Variants in ATP1A2 observed in about 807,000 individuals in gnomAD.
ATP1A2 encodes sodium/potassium-transporting ATPase subunit alpha-2.
A neutral mutation model predicts 113.1 loss-of-function variants in ATP1A2; 56 were observed. The observed-to-expected ratio is 0.49, with a 90% CI of 0.40 to 0.62. The LOEUF (loss-of-function observed/expected upper bound fraction) is 0.62, where lower values mean the gene tolerates loss of function less well. Ranked by LOEUF, ATP1A2 falls within the 20% of genes least tolerant of loss-of-function variation. The pLI is 0.00. For synonymous variants in ATP1A2, 490 were observed against 526.8 expected (o/e 0.93, Z 0.96); for missense variants, 712 against 1,357.8 (o/e 0.52, Z 7.47).
chr1:160,123,066 C>A, intron 3 of ATP1A2, 147 bp from the exon 4 acceptor site: 1 of 870,652 alleles, frequency 1.1e-6, no homozygotes, highest in Admixed American at 2.1e-5. Flanking sequence ...TCCATGTGGT[C>A]TCTCCTGATG....
In ATP1A2 at chr1:160,125,139, G is replaced by A. The variant is rs756197410; in HGVS notation, c.634G>A (p.Asp212Asn). The change falls in exon 7 of 23, where the codon GAT becomes AAT. Residue 212 changes from aspartate to asparagine, a missense_variant. This residue lies in a region of ATP1A2 where 99 missense variants were observed against 180.4 expected (regional missense o/e 0.55). Transcript: ENST00000361216. ...CTATGCACTCCTTCCTCCTCAGGTG[G>A]ATAACTCATCCTTAACAGGAGAGTC... is the stretch of plus-strand genomic sequence containing the variant. ...RIISSHGCKV[D>N]NSSLTGESEP... 6.2e-7 allele frequency: 1 copy of A among 1,614,050 alleles called. No homozygotes were observed. Among genetic ancestry groups the A allele is most frequent in the Non-Finnish European group, 8.5e-7 (1 of 1,179,962 alleles).
Position 160,130,362 on chromosome 1 carries a change from T to C in ATP1A2, c.1652-60T>C, listed in dbSNP as rs1473296521. 3.7e-6 allele frequency: 6 copies of C among 1,613,952 alleles called. 1 individual carries two copies. The African/African-American group carries it at 4.0e-5, about 11-fold the overall frequency. ...CTGCGGCATCCCTGGGGTGGGGGAC[T>C]GTGGGGGCGTCCAGGAAGCCACTCT... On this transcript the variant is annotated intron_variant, in intron 12 of 22. Transcript: ENST00000361216.
rs150784486 is a variant in ATP1A2, at chr1:160,134,586, C to T, written c.1930C>T (p.Arg644Trp). Residue 644 changes from arginine (R) to tryptophan (W), a missense_variant, in exon 14 of 23, where the codon CGG becomes TGG. Transcript: ENST00000361216. The stretch of plus-strand genomic sequence containing the variant: ...CGAGACTGTGGAGGACATTGCAGCC[C>T]GGCTCAACATTCCCATGAGTCAAGT... The part of the protein sequence containing the change: ...GNETVEDIAA[R>W]LNIPMSQVNP... 27 of 1,614,066 alleles carry T rather than the reference C, an allele frequency of 1.7e-5. No individual in the cohort carries two copies. Among genetic ancestry groups the T allele is most frequent in the African/African-American group, 5.3e-5 (4 of 74,896 alleles).
At chr1:160,125,028 G>C (rs1651539958) in intron 6 of ATP1A2, 108 bp from the exon 7 acceptor site, 1 of 877,440 alleles carries the variant, frequency 1.1e-6, no homozygotes, top group Non-Finnish European at 1.9e-6. Flanking sequence ...GTGTGACTTT[G>C]TTCCTCGTGT....
intron 13 of ATP1A2, among the ~76,000 whole-genome samples, chr1:160,132,091 G>T (rs1225949537): frequency 6.6e-6 from 1 of 152,190 alleles, no homozygotes; most frequent in African/African-American, 2.4e-5. Flanking sequence ...TTGACAAAAG[G>T]AATGATATTT....
rs184692211 is a variant in ATP1A2 at position 160,124,134 on chromosome 1, G to A, written c.495+78G>A. 2,211 of 1,585,102 alleles carry A rather than the reference G, an allele frequency of 1.4e-3. 31 individuals carry two copies. The Admixed American group carries it at 0.024, about 17-fold the overall frequency. On this transcript the variant is annotated intron_variant, in intron 5 of 22. Transcript: ENST00000361216. ...CCAGCTCATCTTTTGTCAGCTCCCAGGCTCTAAGATAGAGATGGACAGAAA... is the reference window on the plus strand; with the variant it reads ...CCAGCTCATCTTTTGTCAGCTCCCAAGCTCTAAGATAGAGATGGACAGAAA...
Position 160,115,842 on chromosome 1 carries a change from C to A in ATP1A2, c.-20C>A. The A allele has an allele frequency of 6.3e-7, 1 of 1,594,464 alleles. No homozygotes were observed. Among genetic ancestry groups the A allele is most frequent in the East Asian group, 2.3e-5 (1 of 44,222 alleles). On this transcript the variant is annotated 5_prime_UTR_variant, in exon 1 of 23. Transcript: ENST00000361216. ...CTGGTGACCTCTCCCGCTAAGGTCC[C>A]TCAGCCACTCTGCCCCAAGATGGGC...
chr1:160,140,506 C>T (rs41265767), intron 22 of ATP1A2: 12,857 of 175,402 alleles, frequency 0.073, 511 homozygotes, highest in Middle Eastern at 0.19. Flanking sequence ...TTGACCTGTG[C>T]CATATTTTGT....
At chr1:160,121,078 A>C (rs1372858230) in intron 2 of ATP1A2, 68 bp downstream of exon 2, 1 of 1,603,678 alleles carries the variant, frequency 6.2e-7, no homozygotes, top group African/African-American at 1.3e-5. Flanking sequence ...AGCCCATTGC[A>C]CTCAGAGAAA....
At chr1:160,128,942 G>A (rs1651674706) in intron 9 of ATP1A2, 38 bp from the exon 10 acceptor site, 1 of 1,595,558 alleles carries the variant, frequency 6.3e-7, no homozygotes, top group Non-Finnish European at 8.5e-7. Context: ...AGGCTCTAAA[G>A]GGAGCCACGC....
rs768950032 is a variant in ATP1A2, at chr1:160,141,347, T to A, written c.*25T>A. On this transcript the variant is annotated 3_prime_UTR_variant, in exon 23 of 23. Coordinates refer to ENST00000361216, the MANE Select transcript of ATP1A2 (RefSeq NM_000702.4). ...ACCCCATTGGAAGAAGAACCAGGCA[T>A]GGAAAGATGGGGAGCTCTGGAGGTG... 3.7e-6 allele frequency: 6 copies of A among 1,613,436 alleles called. No homozygotes were observed. The highest frequency in any genetic ancestry group is 1.3e-5 in the African/African-American group (1 of 74,966).
chr1:160,118,705 C>G (rs1570981374), intron 1 of ATP1A2, among the ~76,000 whole-genome samples: 1 of 152,124 alleles, frequency 6.6e-6, no homozygotes, highest in Non-Finnish European at 1.5e-5. Flanking sequence ...CCTCCAAAAG[C>G]TCATATCTTT....
At chr1:160,119,583 G>A (rs1309008690) in intron 1 of ATP1A2, among the ~76,000 whole-genome samples, 2 of 152,070 alleles carry the variant, frequency 1.3e-5, no homozygotes, top group African/African-American at 2.4e-5. Context: ...CACCCCAAGA[G>A]GGCCTCCTCT....
rs938896598 is a variant in ATP1A2 at position 160,129,170 on chromosome 1, T to C, written c.1326+81T>C. 5.0e-6 allele frequency: 8 copies of C among 1,608,536 alleles called. No homozygotes were observed. The African/African-American group carries it at 8.0e-5, about 16-fold the overall frequency. ...GCTGGCCCCAGCTTTCCTTCTCACA[T>C]GATGTGGCTGCCTTGGGGGTTTCAG... On this transcript the variant is annotated intron_variant, in intron 10 of 22. Transcript: ENST00000361216.
rs58392118 is a variant in ATP1A2 at position 160,137,207 on chromosome 1, C to T, written c.2840+176C>T. 4.4e-3 allele frequency: 4,669 copies of T among 1,069,644 alleles called. 137 individuals are homozygous for T. In the African/African-American group the frequency reaches 0.064, roughly 15 times the overall value. The allele number at this position is 1,069,644 out of a possible 1,614,324, so 66.3% of individuals were successfully genotyped here. On this transcript the variant is annotated intron_variant, in intron 20 of 22. Coordinates refer to ENST00000361216, the MANE Select transcript of ATP1A2 (RefSeq NM_000702.4). ...CATATAGAAGAGAGAAGCCATGCTTCAGGCTCCTAATTTTGCATTTTGTTA... is the reference window on the plus strand; with the variant it reads ...CATATAGAAGAGAGAAGCCATGCTTTAGGCTCCTAATTTTGCATTTTGTTA...
At chr1:160,134,383 C>T in intron 13 of ATP1A2, 101 bp from the exon 14 acceptor site, 5 of 1,567,726 alleles carry the variant, frequency 3.2e-6, no homozygotes, top group Non-Finnish European at 4.4e-6. Context: ...CTGCCATCCC[C>T]AGACATCTCG....
chr1:160,138,705 G>T (rs947297595), intron 20 of ATP1A2, among the ~76,000 whole-genome samples: 1 of 152,144 alleles, frequency 6.6e-6, no homozygotes, highest in Non-Finnish European at 1.5e-5. Flanking sequence ...GCAGGGCGTG[G>T]TGGCACACAC....
chr1:160,136,509 G>T (rs1651956421), intron 18 of ATP1A2, 61 bp from the exon 19 acceptor site: 2 of 1,613,610 alleles, frequency 1.2e-6, no homozygotes, highest in African/African-American at 1.3e-5. Context: ...GGCCCTGAGG[G>T]GCTGTGCCCC....
chr1:160,136,530 T>A, intron 18 of ATP1A2, 40 bp from the exon 19 acceptor site: 1 of 1,614,148 alleles, frequency 6.2e-7, no homozygotes, highest in Non-Finnish European at 8.5e-7. Flanking sequence ...TTCTGCTTCC[T>A]GCTCTGACCC....
Sources: gnomAD v4.1 joint callset for allele counts (sites outside exome capture counted in the v4.1 genomes callset) on GRCh38, gnomAD v4.1.1 for gene constraint, gnomAD v4.1.1 regional missense constraint, MANE v1.5 for transcripts, NCBI Gene and HGNC (gene_info 2026-07-23, HGNC 2026-07-21) for gene names.